ERBIN: variants seen among roughly 807,000 people sequenced by gnomAD.
The protein encoded by ERBIN is densin-180-like protein.
A neutral mutation model predicts 158.4 loss-of-function variants in ERBIN; 60 were observed. The observed-to-expected ratio is 0.38, with a 90% CI of 0.31 to 0.47. The LOEUF (loss-of-function observed/expected upper bound fraction) is 0.47. Among genes scored for constraint, ERBIN ranks in the 20% least tolerant of loss-of-function variants. The probability of loss-of-function intolerance (pLI) is 0.99; values close to 1 mark genes in which losing one functional copy is unlikely to be tolerated. For missense variants in ERBIN, 1,610 were observed against 1,648.0 expected, an observed-to-expected ratio of 0.98 and a Z score of 0.40; for synonymous variants, 594 against 557.2, an observed-to-expected ratio of 1.07 and a Z score of -0.93.
intron 21 of ERBIN, 56 bp downstream of exon 21, chr5:66,055,007 A>G: frequency 6.8e-7 from 1 of 1,468,300 alleles, no homozygotes; most frequent in Non-Finnish European, 9.0e-7. Context: ...ATTTTCCTTA[A>G]AAATGATGAA....
chr5:66,032,433 A>G (rs1756982179), intron 14 of ERBIN, among the ~76,000 whole-genome samples: 1 of 152,172 alleles, frequency 6.6e-6, no homozygotes, highest in Non-Finnish European at 1.5e-5. Context: ...CACCATTGAT[A>G]ATTACATGAG....
At chr5:65,996,830 T>C (rs1752492935) in intron 4 of ERBIN, among the ~76,000 whole-genome samples, 1 of 152,164 alleles carries the variant, frequency 6.6e-6, no homozygotes. Context: ...TTTCAGTGTA[T>C]ATGTCTTTTA....
intron 1 of ERBIN, among the ~76,000 whole-genome samples, chr5:65,965,316 T>G (rs1748438760): frequency 1.3e-5 from 2 of 151,592 alleles, no homozygotes; most frequent in Admixed American, 6.6e-5. Flanking sequence ...TTATACCTTC[T>G]CTTTTGGCTG....
chr5:65,955,512 C>T (rs866279000), intron 1 of ERBIN, among the ~76,000 whole-genome samples: 4 of 152,118 alleles, frequency 2.6e-5, no homozygotes, highest in Non-Finnish European at 5.9e-5. Flanking sequence ...TGCCTATAAT[C>T]CCAGCCACTT....
At chr5:65,991,267 G>T (rs1017478220) in intron 2 of ERBIN, among the ~76,000 whole-genome samples, 1 of 152,080 alleles carries the variant, frequency 6.6e-6, no homozygotes, top group Non-Finnish European at 1.5e-5. Context: ...TTCTTTTTCA[G>T]TAATCTGTAT....
intron 15 of ERBIN, among the ~76,000 whole-genome samples, chr5:66,042,281 T>C (rs938061298): frequency 2.0e-5 from 3 of 152,058 alleles, no homozygotes; most frequent in African/African-American, 7.2e-5. Flanking sequence ...ATGATATAAA[T>C]AGTTGAATGA....
chr5:65,982,001 A>T (rs1750713167), intron 1 of ERBIN, among the ~76,000 whole-genome samples: 1 of 152,246 alleles, frequency 6.6e-6, no homozygotes, highest in Non-Finnish European at 1.5e-5. Context: ...TTTTCAGTCT[A>T]CAGTGGTTAA....
rs144457420 is a variant in ERBIN at position 66,004,398 on chromosome 5, G to A, written c.308-7651G>A. ...TGTGTGCGTGTGTGTGTGCGCGCGC[G>A]TGCGTGTGTGTATGTGTGAGTTGAG... On this transcript the variant is annotated intron_variant, in intron 4 of 25. Transcript: ENST00000284037. Among the ~76,000 whole-genome samples the A allele has an allele frequency of 1.2e-3, 184 of 151,502 alleles. 2 individuals are homozygous for A. The highest frequency in any genetic ancestry group is 6.8e-3 in the Middle Eastern group (2 of 294).
intron 11 of ERBIN, 131 bp from the exon 12 acceptor site, chr5:66,025,717 G>T (rs1756172605): frequency 1.2e-6 from 1 of 855,310 alleles, no homozygotes; most frequent in Non-Finnish European, 1.8e-6. Context: ...ACTTATTGGT[G>T]AAGTTTAGCT....
At chr5:66,007,235 T>C (rs948567855) in intron 4 of ERBIN, among the ~76,000 whole-genome samples, 2 of 152,192 alleles carry the variant, frequency 1.3e-5, no homozygotes, top group African/African-American at 4.8e-5. Context: ...TCATGTCCTT[T>C]GTAGGGACAT....
intron 10 of ERBIN, 24 bp downstream of exon 10, chr5:66,024,474 G>A (rs1427214204): frequency 1.3e-6 from 2 of 1,565,084 alleles, no homozygotes; most frequent in East Asian, 2.3e-5. Flanking sequence ...TCAAATTCAT[G>A]TAATTTTTAT....
intron 21 of ERBIN, among the ~76,000 whole-genome samples, chr5:66,058,290 T>G (rs1759849689): frequency 6.6e-6 from 1 of 151,970 alleles, no homozygotes; most frequent in Admixed American, 6.5e-5. Flanking sequence ...TGATGGCCAG[T>G]GATGATGAGC....
chr5:66,065,591 C>CTGTGTGTG (rs56164922), intron 21 of ERBIN, among the ~76,000 whole-genome samples: 8 of 109,284 alleles, frequency 7.3e-5, no homozygotes, highest in East Asian at 2.8e-4. Context: ...TAATTTTGAC[C>CTGTGTGTG]TGTGTGTGTG....
chr5:65,989,253 T>A (rs1751603475), intron 2 of ERBIN, among the ~76,000 whole-genome samples: 1 of 152,228 alleles, frequency 6.6e-6, no homozygotes, highest in African/African-American at 2.4e-5. Flanking sequence ...ACTCATTTAC[T>A]TCTCTTTCGT....
intron 1 of ERBIN, among the ~76,000 whole-genome samples, chr5:65,955,692 A>T (rs1747030165): frequency 6.6e-6 from 1 of 152,230 alleles, no homozygotes; most frequent in Admixed American, 6.5e-5. Flanking sequence ...CTCATATCCC[A>T]GGTGATTTTG....
Position 65,980,054 on chromosome 5 carries a change from G to C in ERBIN, c.-57-8581G>C, listed in dbSNP as rs560729876. The stretch of plus-strand genomic sequence containing the variant: ...GTAGGATAGCTAAAAGTCCACAAAA[G>C]GAGATAAAATGGAGTAAAAGGAAAA... On this transcript the variant is annotated intron_variant, in intron 1 of 25. Transcript: ENST00000284037. Among the ~76,000 whole-genome samples the C allele has an allele frequency of 5.3e-5, 8 of 152,232 alleles. No individual in the cohort carries two copies. In the South Asian group the frequency reaches 1.5e-3, roughly 28 times the overall value.
chr5:65,977,291 G>C lies in ERBIN; in HGVS notation c.-57-11344G>C, dbSNP rs1307387050. Among the ~76,000 whole-genome samples, 10 of 151,366 alleles carry C rather than the reference G, an allele frequency of 6.6e-5. No individual in the cohort carries two copies. The South Asian group carries it at 1.9e-3, about 28-fold the overall frequency. ...CCGGATGGGGCGGCTGGCCGGGCGG[G>C]GGGCTGACCCCCCCACCTCCCTCCC... On this transcript the variant is annotated intron_variant, in intron 1 of 25. Coordinates refer to ENST00000284037, the MANE Select transcript of ERBIN (RefSeq NM_001253697.2).
intron 11 of ERBIN, 130 bp downstream of exon 11, chr5:66,025,682 G>A: frequency 1.1e-6 from 1 of 889,062 alleles, no homozygotes; most frequent in South Asian, 1.6e-5. Context: ...TATACAGGTT[G>A]AGTGTGTTTA....
At chr5:65,938,795 C>A (rs1179824336) in intron 1 of ERBIN, among the ~76,000 whole-genome samples, 1 of 152,036 alleles carries the variant, frequency 6.6e-6, no homozygotes, top group African/African-American at 2.4e-5. Flanking sequence ...TTATGATCTG[C>A]CTGCCTCAGC....
Sources: gnomAD v4.1 joint callset for allele counts (sites outside exome capture counted in the v4.1 genomes callset) on GRCh38, gnomAD v4.1.1 for gene constraint, MANE v1.5 for transcripts, NCBI Gene and HGNC (gene_info 2026-07-23, HGNC 2026-07-21) for gene names.